METTL2B: variants seen among roughly 807,000 people sequenced by gnomAD.
The protein encoded by METTL2B is tRNA N(3)-cytidine methyltransferase METTL2B.
In METTL2B, 28 loss-of-function variants were observed where a neutral mutation model predicts 51.0. The ratio of observed to expected loss-of-function variants is 0.55; its 90% CI spans 0.41 to 0.75. The LOEUF (loss-of-function observed/expected upper bound fraction) is 0.75. Among genes scored for constraint, METTL2B ranks in the 30% least tolerant of loss-of-function variants. The probability of loss-of-function intolerance (pLI) is 0.00; values close to 1 mark genes in which losing one functional copy is unlikely to be tolerated. For synonymous variants in METTL2B, 128 were observed against 166.3 expected, an observed-to-expected ratio of 0.77 and a Z score of 1.77; for missense variants, 313 against 460.7, an observed-to-expected ratio of 0.68 and a Z score of 2.93.
intron 6 of METTL2B, among the ~76,000 whole-genome samples, chr7:128,494,715 C>T (rs1584795877): frequency 6.6e-6 from 1 of 152,112 alleles, no homozygotes; most frequent in Non-Finnish European, 1.5e-5. Context: ...GCAACCTCCG[C>T]CTCCCCAGTT....
intron 4 of METTL2B, chr7:128,483,261 C>T (rs570605867): frequency 1.3e-5 from 2 of 152,324 alleles, no homozygotes; most frequent in South Asian, 2.1e-4. Context: ...CTTACTAGAA[C>T]CCACTTGTTC....
Position 128,481,653 on chromosome 7 carries a change from T to G in METTL2B, c.608+957T>G, listed in dbSNP as rs151106451. ...CTGGAAGCTCATCAAGGGTTTTTTT[T>G]TAGTTTTGAGACAAGCTCTTGTTCT... is the stretch of plus-strand genomic sequence containing the variant. On this transcript the variant is annotated intron_variant, in intron 4 of 8. Transcript: ENST00000262432. Among the ~76,000 whole-genome samples, 552 of 152,312 alleles carry G rather than the reference T, an allele frequency of 3.6e-3. 2 individuals carry two copies. Among genetic ancestry groups the G allele is most frequent in the South Asian group, 6.0e-3 (29 of 4,824 alleles).
chr7:128,477,717 A>T (rs62481131), intron 2 of METTL2B, among the ~76,000 whole-genome samples: 25,801 of 151,394 alleles, frequency 0.17, 2,479 homozygotes, highest in South Asian at 0.26. Flanking sequence ...CCTGCTTGAG[A>T]GGTTGATGAT....
intron 4 of METTL2B, among the ~76,000 whole-genome samples, chr7:128,486,876 T>G (rs1792728599): frequency 6.6e-6 from 1 of 152,148 alleles, no homozygotes; most frequent in African/African-American, 2.4e-5. Context: ...AATGAGTCTT[T>G]TAGAAAGCAG....
At position 128,477,118 on chromosome 7, in the gene METTL2B, G is replaced by A. The variant is rs1799811242; in HGVS notation, c.147G>A (p.Ala49=). ...NVEWSEEQAA[A]AERKVQENSI... ...AGTGGTCGGAAGAGCAAGCCGCGGCGGCGGAGAGAAAAGTCCAGGAGAACA... is the reference window on the plus strand; with the variant it reads ...AGTGGTCGGAAGAGCAAGCCGCGGCAGCGGAGAGAAAAGTCCAGGAGAACA... The change falls in exon 2 of 9, where the codon GCG becomes GCA. Residue 49 remains alanine (A), a synonymous_variant. Coordinates refer to ENST00000262432, the MANE Select transcript of METTL2B (RefSeq NM_018396.3). 4.3e-6 allele frequency: 7 copies of A among 1,614,094 alleles called. No individual in the cohort carries two copies. The highest frequency in any genetic ancestry group is 4.0e-5 in the African/African-American group (3 of 75,038).
chr7:128,505,310 G>A lies in METTL2B; in HGVS notation c.*3394G>A, dbSNP rs1051846814. The A allele has an allele frequency of 6.6e-6, 1 of 152,146 alleles. No individual in the cohort carries two copies. The highest frequency in any genetic ancestry group is 2.4e-5 in the African/African-American group (1 of 41,432). 9.4% of individuals were successfully genotyped at this position (152,146 alleles called of 1,614,324 possible). On this transcript the variant is annotated 3_prime_UTR_variant, in exon 9 of 9. Coordinates refer to ENST00000262432, the MANE Select transcript of METTL2B (RefSeq NM_018396.3). ...AATGTAAAAAATAAATAATTGTATT[G>A]AATTTATTAGTTGTGTCTCAGTCTC...
At chr7:128,478,499 T>G (rs1280822643) in intron 2 of METTL2B, among the ~76,000 whole-genome samples, 2 of 150,714 alleles carry the variant, frequency 1.3e-5, no homozygotes, top group African/African-American at 2.4e-5. Context: ...TCCGCCCATC[T>G]TAGCCTCCCA....
chr7:128,492,301 C>T (rs1198296746), intron 5 of METTL2B, among the ~76,000 whole-genome samples: 1 of 151,736 alleles, frequency 6.6e-6, no homozygotes, highest in Non-Finnish European at 1.5e-5. Context: ...GGATTACAGG[C>T]GGGTGCCACT....
chr7:128,476,977 C>G (rs1799808692), intron 1 of METTL2B, 102 bp downstream of exon 1: 1 of 1,590,624 alleles, frequency 6.3e-7, no homozygotes, highest in African/African-American at 1.3e-5. Context: ...GTCAAGCTGC[C>G]CTACCCGAGG....
At chr7:128,484,868 A>G (rs1001382308) in intron 4 of METTL2B, among the ~76,000 whole-genome samples, 22 of 152,124 alleles carry the variant, frequency 1.4e-4, no homozygotes, top group African/African-American at 5.1e-4. Context: ...GGCGTGAGCC[A>G]CCGCACCCGG....
chr7:128,491,721 C>T (rs1264681046), intron 5 of METTL2B, among the ~76,000 whole-genome samples: 4 of 146,276 alleles, frequency 2.7e-5, no homozygotes, highest in Admixed American at 7.0e-5. Context: ...GAGCTGAGAT[C>T]GCACCACTCC....
intron 1 of METTL2B, 31 bp downstream of exon 1, chr7:128,476,906 C>G (rs764252319): frequency 6.8e-6 from 11 of 1,611,658 alleles, no homozygotes; most frequent in Non-Finnish European, 9.3e-6. Context: ...CCCGGCCTGT[C>G]GCTGGCCGTC....
intron 6 of METTL2B, among the ~76,000 whole-genome samples, 155 bp from the exon 7 acceptor site, chr7:128,497,881 C>T (rs575182128): frequency 2.6e-5 from 4 of 152,328 alleles, no homozygotes; most frequent in East Asian, 1.9e-4. Context: ...AGGCAGCTAA[C>T]GTCCTTCAGT....
Position 128,493,867 on chromosome 7 carries a change from A to G in METTL2B, c.733A>G (p.Lys245Glu), listed in dbSNP as rs1247592921. The change falls in exon 6 of 9, where the codon AAG (lysine) becomes GAG (glutamate). Residue 245 changes from lysine (K) to glutamate (E), a missense_variant. Physicochemically the swap from Lys to Glu is moderately conservative, Grantham distance 56. Around this residue, in one of 4 missense-constraint regions of METTL2B, gnomAD observed 138 missense variants for 187.6 expected, o/e 0.74. Coordinates refer to ENST00000262432, the MANE Select transcript of METTL2B (RefSeq NM_018396.3). ...AFVHDLCDEE[K>E]SYPVPKGSLD... ...TGTTCACGACCTGTGTGATGAAGAG[A>G]AGAGTTACCCAGTGCCCAAGGGCAG... 1.2e-6 allele frequency: 2 copies of G among 1,612,838 alleles called. No homozygotes were observed. Among genetic ancestry groups the G allele is most frequent in the Non-Finnish European group, 1.7e-6 (2 of 1,179,750 alleles).
chr7:128,481,004 A>G (rs1022114456), intron 4 of METTL2B, among the ~76,000 whole-genome samples: 7 of 152,236 alleles, frequency 4.6e-5, no homozygotes, highest in Admixed American at 3.3e-4. Flanking sequence ...ATTAGACTTA[A>G]AACTTGCTAG....
At chr7:128,488,908 G>T (rs1357845209) in intron 5 of METTL2B, among the ~76,000 whole-genome samples, 1 of 152,130 alleles carries the variant, frequency 6.6e-6, no homozygotes, top group Non-Finnish European at 1.5e-5. Flanking sequence ...TTCAAGACCA[G>T]CCTGACCAAG....
Position 128,477,097 on chromosome 7 carries a change from G to A in METTL2B, c.126G>A (p.Trp42Ter). Residue 42 changes from tryptophan (W) to a stop codon, truncating the protein, a stop_gained, in exon 2 of 9, where the codon TGG becomes TGA. Transcript: ENST00000262432. LOFTEE classifies it high-confidence loss of function. ...FHHNAWDNVE[W>*]SEEQAAAAER... ...ATTTTCTCAGGGACAATGTGGAGTG[G>A]TCGGAAGAGCAAGCCGCGGCGGCGG... The A allele has an allele frequency of 1.2e-6, 2 of 1,614,174 alleles. No individual in the cohort carries two copies. Among genetic ancestry groups the A allele is most frequent in the Non-Finnish European group, 8.5e-7 (1 of 1,180,022 alleles).
Position 128,479,495 on chromosome 7 carries a change from C to T in METTL2B, c.540C>T (p.Ala180=). ...ICADEFPGSS[A]TYRILEVGCG... ...CTGATGAGTTTCCTGGATCCTCAGC[C>T]ACCTACCGAATACTGGAGGTAACCT... The change falls in exon 3 of 9, where the codon GCC becomes GCT. Residue 180 remains alanine, a synonymous_variant. Transcript: ENST00000262432. The T allele has an allele frequency of 1.2e-6, 2 of 1,613,890 alleles. No homozygotes were observed. The highest frequency in any genetic ancestry group is 2.2e-5 in the East Asian group (1 of 44,880).
rs1792841166 is a variant in METTL2B, at chr7:128,491,935, A to G, written c.670-1869A>G. On this transcript the variant is annotated intron_variant, in intron 5 of 8. Coordinates refer to ENST00000262432, the MANE Select transcript of METTL2B (RefSeq NM_018396.3). Reference sequence around the variant, plus strand: ...CAAAGTAAATTTTCTACATCTACAGAAATAGATTTTCCTGAAGAATTCTAT... The same window carrying G: ...CAAAGTAAATTTTCTACATCTACAGGAATAGATTTTCCTGAAGAATTCTAT... Among the ~76,000 whole-genome samples, 2 of 152,184 alleles carry G rather than the reference A, an allele frequency of 1.3e-5. 1 individual carries two copies. The highest frequency in any genetic ancestry group is 4.1e-4 in the South Asian group (2 of 4,832).
Sources: allele counts gnomAD v4.1 joint callset (sites outside exome capture counted in the v4.1 genomes callset), GRCh38; gene constraint gnomAD v4.1.1; regional missense constraint gnomAD v4.1.1; transcripts MANE v1.5; gene names NCBI Gene and HGNC (gene_info 2026-07-23, HGNC 2026-07-21).